Variants in NSMCE2 observed in about 807,000 individuals in gnomAD.
The protein encoded by NSMCE2 is E3 SUMO-protein ligase NSE2.
NSMCE2 carries 24 observed loss-of-function variants against 23.8 expected under a neutral mutation model. That is an observed-to-expected ratio of 1.01 (90% CI 0.73 to 1.42). The LOEUF (loss-of-function observed/expected upper bound fraction) is 1.42. NSMCE2 is among the 40% of genes most tolerant of loss of function. The pLI is 0.00. For synonymous variants in NSMCE2, 92 were observed against 94.1 expected (o/e 0.98, Z 0.13); for missense variants, 284 against 296.5 (o/e 0.96, Z 0.31).
intron 5 of NSMCE2, among the ~76,000 whole-genome samples, chr8:125,347,437 G>T (rs1253474368): frequency 6.6e-5 from 10 of 152,148 alleles, no homozygotes; most frequent in Non-Finnish European, 8.8e-5. Context: ...TGTACAAAAT[G>T]TATATATTTC....
At chr8:125,227,227 C>CCA (rs1825133257) in intron 5 of NSMCE2, among the ~76,000 whole-genome samples, 1 of 152,156 alleles carries the variant, frequency 6.6e-6, no homozygotes, top group Non-Finnish European at 1.5e-5. Context: ...AGCAGGCCTG[C>CCA]CACGTCCCTG....
intron 5 of NSMCE2, among the ~76,000 whole-genome samples, chr8:125,285,217 T>C (rs1457065062): frequency 2.6e-5 from 4 of 152,310 alleles, no homozygotes; most frequent in Non-Finnish European, 1.5e-5. Flanking sequence ...ATATAACTGG[T>C]CCATTCCCAC....
intron 5 of NSMCE2, among the ~76,000 whole-genome samples, chr8:125,263,201 C>T (rs1198921374): frequency 6.6e-6 from 1 of 152,158 alleles, no homozygotes; most frequent in African/African-American, 2.4e-5. Context: ...TGTCTTCAAG[C>T]AGCCTAGACT....
intron 7 of NSMCE2, among the ~76,000 whole-genome samples, chr8:125,360,249 G>C (rs552688496): frequency 1.6e-4 from 24 of 152,326 alleles, no homozygotes; most frequent in Middle Eastern, 3.4e-3. Context: ...AAGTGTCCAG[G>C]AAGTGCAGCA....
At chr8:125,337,902 A>AAAAAAG (rs1830115581) in intron 5 of NSMCE2, among the ~76,000 whole-genome samples, 3 of 147,926 alleles carry the variant, frequency 2.0e-5, no homozygotes, top group South Asian at 4.2e-4. Context: ...AAAAAAAAAA[A>AAAAAAG]AAAGAAAGAA....
At chr8:125,356,318 A>AT (rs1813274004) in intron 5 of NSMCE2, among the ~76,000 whole-genome samples, 1 of 133,216 alleles carries the variant, frequency 7.5e-6, no homozygotes, top group African/African-American at 2.7e-5. Flanking sequence ...GTTACTTTTA[A>AT]TTTTTTGGTT....
At chr8:125,354,223 CACCCA>C (rs1420112615) in intron 5 of NSMCE2, among the ~76,000 whole-genome samples, 1 of 152,158 alleles carries the variant, frequency 6.6e-6, no homozygotes, top group Non-Finnish European at 1.5e-5. Flanking sequence ...TGAGCCACCG[CACCCA>C]ACCTTGCTGT....
At chr8:125,200,102 A>G (rs1330351532) in intron 5 of NSMCE2, among the ~76,000 whole-genome samples, 2 of 152,110 alleles carry the variant, frequency 1.3e-5, no homozygotes, top group African/African-American at 2.4e-5. Flanking sequence ...AATACAGCAC[A>G]TTGTTGGGAC....
At chr8:125,351,904 T>C (rs183465166) in intron 5 of NSMCE2, among the ~76,000 whole-genome samples, 4 of 151,998 alleles carry the variant, frequency 2.6e-5, no homozygotes, top group African/African-American at 4.8e-5. Context: ...TCCCAGCTAC[T>C]TGGGAGACTG....
chr8:125,299,137 A>G (rs184030051), intron 5 of NSMCE2, among the ~76,000 whole-genome samples: 2 of 152,338 alleles, frequency 1.3e-5, no homozygotes, highest in Admixed American at 1.3e-4. Context: ...GTATTTTTAT[A>G]GCATCACCTA....
chr8:125,324,415 G>T (rs1408907808), intron 5 of NSMCE2, among the ~76,000 whole-genome samples: 2 of 142,630 alleles, frequency 1.4e-5, no homozygotes, highest in African/African-American at 2.6e-5. Context: ...CCAATATCCC[G>T]TAACTGATAA....
intron 5 of NSMCE2, among the ~76,000 whole-genome samples, chr8:125,185,329 CAG>C (rs1823042872): frequency 6.6e-6 from 1 of 151,474 alleles, no homozygotes; most frequent in Non-Finnish European, 1.5e-5. Flanking sequence ...TTTTTTGAGA[CAG>C]AGTCTCGCTT....
At chr8:125,365,562 A>C (rs1813745308) in intron 7 of NSMCE2, among the ~76,000 whole-genome samples, 1 of 152,114 alleles carries the variant, frequency 6.6e-6, no homozygotes, top group African/African-American at 2.4e-5. Context: ...TCATATTTAA[A>C]ATAAAATCCA....
intron 3 of NSMCE2, among the ~76,000 whole-genome samples, chr8:125,132,042 T>C (rs1447621621): frequency 6.6e-6 from 1 of 152,200 alleles, no homozygotes; most frequent in Non-Finnish European, 1.5e-5. Flanking sequence ...CAAGAAATAA[T>C]TGCCATTTTG....
At chr8:125,351,029 G>A (rs933829592) in intron 5 of NSMCE2, among the ~76,000 whole-genome samples, 3 of 152,208 alleles carry the variant, frequency 2.0e-5, no homozygotes, top group Non-Finnish European at 4.4e-5. Flanking sequence ...TGTAGAACCA[G>A]AGTCAGCAGA....
rs1251544105 is a variant in NSMCE2 at position 125,101,998 on chromosome 8, C to A, written c.-110-53C>A. The A allele has an allele frequency of 2.2e-5, 4 of 179,742 alleles. No individual in the cohort carries two copies. In the East Asian group the frequency reaches 5.6e-4, roughly 25 times the overall value. The allele number at this position is 179,742 out of a possible 1,614,324, so 11.1% of individuals were successfully genotyped here. ...CATATGAGTGGTCTACTTTTTCTAA[C>A]CCATTTATCTTGTAGGCTTTTAAGA... On this transcript the variant is annotated intron_variant, in intron 1 of 7. Coordinates refer to ENST00000287437, the MANE Select transcript of NSMCE2 (RefSeq NM_173685.4).
At chr8:125,096,031 A>T (rs974082391) in intron 1 of NSMCE2, among the ~76,000 whole-genome samples, 3 of 152,158 alleles carry the variant, frequency 2.0e-5, no homozygotes, top group African/African-American at 7.2e-5. Context: ...AGTTTCTTTC[A>T]TGCATGGAGC....
chr8:125,096,634 CT>C (rs34656029), intron 1 of NSMCE2, among the ~76,000 whole-genome samples: 9,892 of 80,234 alleles, frequency 0.12, 332 homozygotes, highest in African/African-American at 0.2. Flanking sequence ...GTGTGGAATC[CT>C]TTTTTTTTTT....
chr8:125,152,326 G>A (rs73348181), intron 4 of NSMCE2, among the ~76,000 whole-genome samples: 19,516 of 152,100 alleles, frequency 0.13, 1,648 homozygotes, highest in Middle Eastern at 0.3. Context: ...AAACTGGATG[G>A]CACTTAGACT....
Sources: gnomAD v4.1 joint callset for allele counts (sites outside exome capture counted in the v4.1 genomes callset) on GRCh38, gnomAD v4.1.1 for gene constraint, MANE v1.5 for transcripts, NCBI Gene and HGNC (gene_info 2026-07-23, HGNC 2026-07-21) for gene names.